GPR84: variants seen among roughly 807,000 people sequenced by gnomAD.
GPR84 encodes G protein-coupled receptor 84, also known as G-protein coupled receptor 84.
Under a neutral mutation model 14.9 loss-of-function variants are expected in GPR84, and 8 were observed. That is an observed-to-expected ratio of 0.54 (90% CI 0.31 to 0.97). The LOEUF (loss-of-function observed/expected upper bound fraction) is 0.97, where lower values mean the gene tolerates loss of function less well. Among genes scored for constraint, GPR84 ranks in the 50% least tolerant of loss-of-function variants. The probability of loss-of-function intolerance (pLI) is 0.04; values close to 1 mark genes in which losing one functional copy is unlikely to be tolerated. For synonymous variants in GPR84, 164 were observed against 198.1 expected, an observed-to-expected ratio of 0.83 and a Z score of 1.45; for missense variants, 424 against 498.7, an observed-to-expected ratio of 0.85 and a Z score of 1.43.
At chr12:54,359,598 G>A (rs1445263069), downstream of GPR84, among the ~76,000 whole-genome samples, 1 of 152,114 alleles carries the variant, frequency 6.6e-6, no homozygotes, top group Non-Finnish European at 1.5e-5. Context: ...TCGGACTCGG[G>A]CGAGAGACTG....
rs775538642 is a variant in GPR84 at position 54,363,824 on chromosome 12, AGAAGTTGGCGTCAGAGCT to A, written c.10_27del (p.Ser5_Ser10del). The A allele has an allele frequency of 6.8e-5, 109 of 1,602,142 alleles. No homozygotes were observed. Among genetic ancestry groups the A allele is most frequent in the Admixed American group, 1.8e-4 (11 of 59,528 alleles). On this transcript the variant is annotated inframe_deletion, in exon 2 of 2. Transcript: ENST00000267015. ...CCCAGCACAGACTCATGGTAGCAGG[AGAAGTTGGCGTCAGAGCT>A]GTTCCACATGATAGAGGCTAAAGAG...
chr12:54,358,974 C>A (rs1351387983), downstream of GPR84, among the ~76,000 whole-genome samples: 1 of 152,116 alleles, frequency 6.6e-6, no homozygotes, highest in Non-Finnish European at 1.5e-5. Context: ...ACCCTCAGAC[C>A]CCATCATCCC....
downstream of GPR84, among the ~76,000 whole-genome samples, chr12:54,358,891 C>G (rs1039302863): frequency 2.6e-5 from 4 of 152,102 alleles, no homozygotes; most frequent in African/African-American, 9.7e-5. Flanking sequence ...TCCTCTCTCC[C>G]TGTTCAGTCT....
At chr12:54,356,366 A>C in the GPR84 span, among the ~76,000 whole-genome samples, 1 of 152,224 alleles carries the variant, frequency 6.6e-6, no homozygotes. Context: ...GGTCCTTTAC[A>C]GTAAATACAC....
downstream of GPR84, among the ~76,000 whole-genome samples, chr12:54,359,673 AAC>A (rs908100500): frequency 6.6e-6 from 1 of 152,160 alleles, no homozygotes; most frequent in South Asian, 2.1e-4. Flanking sequence ...AGGGCCTCCA[AAC>A]ACACACACAT....
downstream of GPR84, among the ~76,000 whole-genome samples, chr12:54,361,765 C>T (rs772344639): frequency 4.6e-5 from 7 of 152,228 alleles, no homozygotes; most frequent in Non-Finnish European, 8.8e-5. This position sits in a 1 kb window ranked among gnomAD's most constrained non-coding sequence, Gnocchi z 4.3. Context: ...ACCTCCGCCT[C>T]CCAAAGTGCT....
chr12:54,355,393 GGAT>G, the GPR84 span, among the ~76,000 whole-genome samples: 1 of 151,140 alleles, frequency 6.6e-6, no homozygotes, highest in Non-Finnish European at 1.5e-5. Flanking sequence ...GGTATGGATA[GGAT>G]GATTTCCACA....
chr12:54,364,099 C>T, intron 1 of GPR84: 1 of 431,396 alleles, frequency 2.3e-6, no homozygotes, highest in South Asian at 5.4e-5. Flanking sequence ...ATATCTCTTG[C>T]CTAAATATCT....
At chr12:54,351,559 C>T in the GPR84 span, 1 of 152,186 alleles carries the variant, frequency 6.6e-6, no homozygotes, top group South Asian at 2.1e-4. Context: ...CTTCATAAAA[C>T]CTTTGGGGTT....
chr12:54,353,992 A>G, the GPR84 span: 2 of 152,236 alleles, frequency 1.3e-5, no homozygotes, highest in African/African-American at 4.8e-5. Flanking sequence ...GTATCTCAAT[A>G]TGACTTAAGA....
the GPR84 span, among the ~76,000 whole-genome samples, chr12:54,352,030 G>C: frequency 6.6e-6 from 1 of 151,750 alleles, no homozygotes; most frequent in East Asian, 1.9e-4. Context: ...CCGTCCCCTC[G>C]CCTGGAAATT....
chr12:54,358,770 T>C (rs1954235865), downstream of GPR84, among the ~76,000 whole-genome samples: 1 of 151,794 alleles, frequency 6.6e-6, no homozygotes. Flanking sequence ...AACCCCCCAT[T>C]TAGCTCCTTA....
At chr12:54,354,111 CTTTTCTTTTTTT>C in the GPR84 span, among the ~76,000 whole-genome samples, 1 of 150,420 alleles carries the variant, frequency 6.6e-6, no homozygotes, top group Non-Finnish European at 1.5e-5. Flanking sequence ...TTTCTTTTCT[CTTTTCTTTTTTT>C]TTTTTTTTTG....
chr12:54,354,687 C>T, the GPR84 span, among the ~76,000 whole-genome samples: 4 of 151,612 alleles, frequency 2.6e-5, no homozygotes, highest in East Asian at 1.9e-4. Flanking sequence ...TCTGGTGATC[C>T]GCCCGCCTCG....
Position 54,362,639 on chromosome 12 carries a change from TC to T in GPR84, c.*21del, listed in dbSNP as rs1193366027. On this transcript the variant is annotated 3_prime_UTR_variant, in exon 2 of 2. Transcript: ENST00000267015. The surrounding 1 kb of genome is among the most constrained non-coding windows in gnomAD (Gnocchi z 4.0). ...GGTCCTGGAGGAGACAGTCCTGAATTCTGGTGACTAGGGTCACAGTTCTAAT... is the reference window on the plus strand; with the variant it reads ...GGTCCTGGAGGAGACAGTCCTGAATTTGGTGACTAGGGTCACAGTTCTAAT... 1 of 1,505,822 alleles carries T rather than the reference TC, an allele frequency of 6.6e-7. No homozygotes were observed. The highest frequency in any genetic ancestry group is 9.1e-7 in the Non-Finnish European group (1 of 1,098,068). The allele number at this position is 1,505,822 out of a possible 1,614,324, so 93.3% of individuals were successfully genotyped here.
the GPR84 span, chr12:54,351,975 C>G: frequency 6.6e-6 from 1 of 152,118 alleles, no homozygotes; most frequent in Non-Finnish European, 1.5e-5. Flanking sequence ...TAGCAGTGCC[C>G]CCCCATCCCT....
At chr12:54,358,340 G>A (rs1204321164), downstream of GPR84, among the ~76,000 whole-genome samples, 1 of 152,088 alleles carries the variant, frequency 6.6e-6, no homozygotes, top group Non-Finnish European at 1.5e-5. Context: ...AGGGGAGGAG[G>A]AGGAGCCTTT....
rs112055127 is a variant in GPR84, at chr12:54,362,949, A to G, written c.903T>C (p.Ile301=). 77 of 1,614,080 alleles carry G rather than the reference A, an allele frequency of 4.8e-5. No individual in the cohort carries two copies. The highest frequency in any genetic ancestry group is 6.5e-5 in the Non-Finnish European group (77 of 1,180,024). The stretch of plus-strand genomic sequence containing the variant: ...AATCCGGAGCTCTTCTGGCTCCTTT[A>G]ATTGGCTGGGCTTTGGCAGATGCTT... ...PPEASAKAQP[I]KGARRAPDSS... The change falls in exon 2 of 2, where the codon ATT becomes ATC. Residue 301 remains isoleucine, a synonymous_variant. Transcript: ENST00000267015. The surrounding 1 kb of genome is among the most constrained non-coding windows in gnomAD (Gnocchi z 4.0).
the GPR84 span, chr12:54,353,908 A>T: frequency 6.6e-6 from 1 of 152,112 alleles, no homozygotes. Flanking sequence ...TAGGTGACAG[A>T]GAGTCCAGAA....
Sources: allele counts gnomAD v4.1 joint callset (sites outside exome capture counted in the v4.1 genomes callset), GRCh38; gene constraint gnomAD v4.1.1; non-coding constraint Gnocchi (gnomAD v3.1); transcripts MANE v1.5; gene names NCBI Gene and HGNC (gene_info 2026-07-23, HGNC 2026-07-21).